The following ANK2 variants were observed in gnomAD, a reference collection of about 807,000 sequenced individuals.
ANK2 encodes ankyrin 2.
In ANK2, 83 loss-of-function variants were observed where a neutral mutation model predicts 360.5. The observed-to-expected ratio is 0.23, with a 90% CI of 0.19 to 0.28. The LOEUF (loss-of-function observed/expected upper bound fraction) is 0.28. ANK2 is among the 10% of genes least tolerant of loss of function. The pLI, the probability that ANK2 is intolerant of heterozygous loss-of-function variation, is 1.00. For synonymous variants in ANK2, 1,740 were observed against 1,759.5 expected (o/e 0.99, Z 0.28); for missense variants, 4,201 against 4,795.7 (o/e 0.88, Z 3.66).
intron 2 of ANK2, among the ~76,000 whole-genome samples, chr4:112,939,660 A>G (rs2094049727): frequency 6.6e-6 from 1 of 152,164 alleles, no homozygotes. Context: ...TTGGACATTC[A>G]TTAAAATGAC....
intron 3 of ANK2, 124 bp from the exon 4 acceptor site, chr4:113,198,885 CTA>C: frequency 1.2e-6 from 1 of 804,034 alleles, no homozygotes; most frequent in Non-Finnish European, 2.0e-6. Flanking sequence ...AAGTGGGCTA[CTA>C]TCTTGATAAA....
intron 1 of ANK2, among the ~76,000 whole-genome samples, chr4:112,890,584 T>TTTTTTTTTA (rs2079714834): frequency 7.9e-6 from 1 of 127,020 alleles, no homozygotes; most frequent in Non-Finnish European, 1.7e-5. Flanking sequence ...TTTTTTTTTT[T>TTTTTTTTTA]GAGACGGAGT....
chr4:113,271,080 A>G (rs1321442434), intron 14 of ANK2, among the ~76,000 whole-genome samples: 3 of 152,338 alleles, frequency 2.0e-5, no homozygotes, highest in Admixed American at 1.3e-4. Context: ...GAGTTAAGAT[A>G]AGAAAAAGAT....
Position 113,181,594 on chromosome 4 carries a change from AC to A in ANK2, c.186+7078del, listed in dbSNP as rs151029969. ...GGCAGTAAGTGATATGGAGGAAAAT[AC>A]AGCAGGGGAGAAGGAGAGAGGGGTG... On this transcript the variant is annotated intron_variant, in intron 2 of 45. Coordinates refer to ENST00000357077, the MANE Select transcript of ANK2 (RefSeq NM_001148.6). Among the ~76,000 whole-genome samples, 954 of 152,286 alleles carry A rather than the reference AC, an allele frequency of 6.3e-3. 8 individuals are homozygous for A. The highest frequency in any genetic ancestry group is 0.022 in the African/African-American group (916 of 41,556).
At position 113,280,673 on chromosome 4, in the gene ANK2, A is replaced by G. The variant is rs376960277; in HGVS notation, c.1882-2002A>G. 1.2e-4 allele frequency among the ~76,000 whole-genome samples: 18 copies of G among 152,228 alleles called. No individual in the cohort carries two copies. In the East Asian group the frequency reaches 2.1e-3, roughly 18 times the overall value. On this transcript the variant is annotated intron_variant, in intron 17 of 45. Transcript: ENST00000357077. ...GAACCTTCTCTTAGTCTTTATTGGG[A>G]GTGCTGCAATTATTTGAGTCCAAAA...
chr4:112,856,292 G>T (rs2066378271), intron 1 of ANK2, among the ~76,000 whole-genome samples: 1 of 152,128 alleles, frequency 6.6e-6, no homozygotes, highest in Non-Finnish European at 1.5e-5. Context: ...TCAGGAGAGG[G>T]AGTCGCACCT....
At chr4:112,710,418 A>T in the ANK2 span, among the ~76,000 whole-genome samples, 1 of 152,196 alleles carries the variant, frequency 6.6e-6, no homozygotes, top group East Asian at 1.9e-4. Context: ...AGCTTGGGCC[A>T]GGCCAGGTGG....
At chr4:112,953,852 G>T (rs977061784) in intron 2 of ANK2, among the ~76,000 whole-genome samples, 1 of 152,008 alleles carries the variant, frequency 6.6e-6, no homozygotes, top group Admixed American at 6.6e-5. Flanking sequence ...AGATTTTATT[G>T]ACATTGTGCA....
intron 1 of ANK2, among the ~76,000 whole-genome samples, chr4:113,173,596 G>C (rs534553283): frequency 6.6e-6 from 1 of 152,150 alleles, no homozygotes; most frequent in Non-Finnish European, 1.5e-5. Flanking sequence ...CCAGGGGGCC[G>C]TGTGATTGTA....
chr4:112,861,740 A>G (rs997434706), intron 1 of ANK2, among the ~76,000 whole-genome samples: 38 of 152,108 alleles, frequency 2.5e-4, no homozygotes, highest in African/African-American at 8.7e-4. Flanking sequence ...AAAATGTGGC[A>G]CTTTCAGTGT....
the ANK2 span, among the ~76,000 whole-genome samples, chr4:112,737,118 A>G: frequency 6.6e-6 from 1 of 152,192 alleles, no homozygotes; most frequent in East Asian, 1.9e-4. Context: ...TATCAGTTTC[A>G]TTGTCTATAA....
At chr4:113,142,692 T>C (rs914605852) in intron 1 of ANK2, among the ~76,000 whole-genome samples, 3 of 152,118 alleles carry the variant, frequency 2.0e-5, no homozygotes, top group African/African-American at 7.2e-5. Context: ...AGTTTCTTTA[T>C]TGGAGAAAGC....
At chr4:113,004,150 G>T (rs1197362839) in intron 2 of ANK2, among the ~76,000 whole-genome samples, 2 of 152,094 alleles carry the variant, frequency 1.3e-5, no homozygotes, top group African/African-American at 4.8e-5. Flanking sequence ...GTGCACTTAG[G>T]CTACACTACA....
rs183088358 is a variant in ANK2 at position 112,925,129 on chromosome 4, C to T, written c.21+20615C>T. Among the ~76,000 whole-genome samples, 210 of 152,256 alleles carry T rather than the reference C, an allele frequency of 1.4e-3. 1 individual carries two copies. The highest frequency in any genetic ancestry group is 4.8e-3 in the African/African-American group (201 of 41,550). On this transcript the variant is annotated intron_variant, in intron 2 of 30. Transcript: ENST00000503271. ...CTGGGATTACAGGCGTGAGCCACCG[C>T]ACCTGGCCATTTATCACCTTTTATA...
intron 1 of ANK2, among the ~76,000 whole-genome samples, chr4:113,084,470 A>T (rs965499026): frequency 1.3e-5 from 2 of 152,242 alleles, no homozygotes; most frequent in South Asian, 4.1e-4. Flanking sequence ...TAAATCCATA[A>T]TTGAATACAT....
At position 113,174,421 on chromosome 4, in the gene ANK2, C is replaced by T. The variant is rs750209101; in HGVS notation, c.90C>T (p.Asp30=). ...GTCTTTTATTTTTCTCGCAGTCTGACAGCAATGCAAGCTTCCTCCGTGCTG... is the reference window on the plus strand; with the variant it reads ...GTCTTTTATTTTTCTCGCAGTCTGATAGCAATGCAAGCTTCCTCCGTGCTG... ...SQRRKRPKKS[D]SNASFLRAAR... Residue 30 remains aspartate (D), a synonymous_variant, in exon 2 of 46, where the codon GAC becomes GAT. Coordinates refer to ENST00000357077, the MANE Select transcript of ANK2 (RefSeq NM_001148.6). 1 of 1,612,028 alleles carries T rather than the reference C, an allele frequency of 6.2e-7. No homozygotes were observed. Among genetic ancestry groups the T allele is most frequent in the Non-Finnish European group, 8.5e-7 (1 of 1,178,710 alleles).
In ANK2 at chr4:113,358,908, A is replaced by T. The variant is rs867156673; in HGVS notation, c.10290A>T (p.Glu3430Asp). 6.2e-7 allele frequency: 1 copy of T among 1,613,890 alleles called. No individual in the cohort carries two copies. The highest frequency in any genetic ancestry group is 1.7e-4 in the Middle Eastern group (1 of 6,058). The change falls in exon 38 of 46, where the codon GAA becomes GAT. Residue 3430 changes from glutamate to aspartate, a missense_variant. Transcript: ENST00000357077. ...AGGAACTTGAGTTAGAATCAGAAGA[A>T]GGGGCCACAAGACCAAAGATACTTA... The part of the protein sequence containing the change: ...RAEELELESE[E>D]GATRPKILTS...
intron 1 of ANK2, among the ~76,000 whole-genome samples, chr4:113,079,787 A>C (rs1322904218): frequency 2.0e-5 from 3 of 152,150 alleles, no homozygotes; most frequent in African/African-American, 7.2e-5. Context: ...TCAGCATGCC[A>C]CAATTACCCA....
chr4:112,878,154 T>C (rs1256005855), intron 1 of ANK2, among the ~76,000 whole-genome samples: 1 of 51,974 alleles, frequency 1.9e-5, no homozygotes, highest in African/African-American at 1.6e-4. Flanking sequence ...AACTTTAGAC[T>C]CATCTATCTA....
Sources: allele counts gnomAD v4.1 joint callset (sites outside exome capture counted in the v4.1 genomes callset), GRCh38; gene constraint gnomAD v4.1.1; transcripts MANE v1.5; gene names NCBI Gene and HGNC (gene_info 2026-07-23, HGNC 2026-07-21).